Variants in FUT9 observed in about 807,000 individuals in gnomAD.
FUT9 encodes 4-galactosyl-N-acetylglucosaminide 3-alpha-L-fucosyltransferase 9.
In FUT9, 15 loss-of-function variants were observed where a neutral mutation model predicts 29.7. The ratio of observed to expected loss-of-function variants is 0.51; its 90% CI spans 0.34 to 0.78. The LOEUF (loss-of-function observed/expected upper bound fraction) is 0.78. Among genes scored for constraint, FUT9 ranks in the 30% least tolerant of loss-of-function variants. The pLI, the probability that FUT9 is intolerant of heterozygous loss-of-function variation, is 0.01. For missense variants in FUT9, 319 were observed against 425.4 expected (o/e 0.75, Z 2.20); for synonymous variants, 169 against 153.7 (o/e 1.10, Z -0.74).
At chr6:96,191,777 A>AACTATAGCCCGATATCCCTG (rs1218421708) in intron 2 of FUT9, among the ~76,000 whole-genome samples, 1 of 149,994 alleles carries the variant, frequency 6.7e-6, no homozygotes. Context: ...CACAACAGAA[A>AACTATAGCCCGATATCCCTG]AAGAACATCG....
At chr6:96,046,867 G>A (rs1391545707) in intron 1 of FUT9, among the ~76,000 whole-genome samples, 1 of 152,134 alleles carries the variant, frequency 6.6e-6, no homozygotes, top group Non-Finnish European at 1.5e-5. Flanking sequence ...TTCCTCTAAA[G>A]GAATGCTACA....
rs1477063549 is a variant in FUT9 at position 96,212,962 on chromosome 6, T to C, written c.*8727T>C. The C allele has an allele frequency of 3.0e-5, 5 of 167,078 alleles. No individual in the cohort carries two copies. In the Admixed American group the frequency reaches 3.3e-4, roughly 11 times the overall value. 10.3% of individuals were successfully genotyped at this position (167,078 alleles called of 1,614,324 possible). ...ATTTCTGAGCCATAGATTTTTAATC[T>C]GTAAAAGGAGTGTGATGGACTGTAC... is the stretch of plus-strand genomic sequence containing the variant. On this transcript the variant is annotated 3_prime_UTR_variant, in exon 3 of 3. Transcript: ENST00000302103.
chr6:96,088,143 G>A (rs1451642367), intron 1 of FUT9, among the ~76,000 whole-genome samples: 3 of 151,908 alleles, frequency 2.0e-5, no homozygotes, highest in African/African-American at 7.3e-5. Context: ...TAATGTAAAT[G>A]ACAAGTTGAT....
At chr6:96,201,135 A>G (rs1773719715) in intron 2 of FUT9, among the ~76,000 whole-genome samples, 1 of 151,914 alleles carries the variant, frequency 6.6e-6, no homozygotes, top group Non-Finnish European at 1.5e-5. Context: ...TCATAGGAAA[A>G]CCATTTAGAC....
chr6:96,135,023 G>A (rs373840814), intron 2 of FUT9, among the ~76,000 whole-genome samples: 3 of 68,690 alleles, frequency 4.4e-5, no homozygotes, highest in Non-Finnish European at 1.4e-4. Flanking sequence ...TTTCAAAAAG[G>A]TGCAGGTTGC....
Position 96,190,473 on chromosome 6 carries a change from G to A in FUT9, c.-8-12675G>A, listed in dbSNP as rs189895058. Among the ~76,000 whole-genome samples, 857 of 152,264 alleles carry A rather than the reference G, an allele frequency of 5.6e-3. 6 individuals are homozygous for A. Among genetic ancestry groups the A allele is most frequent in the African/African-American group, 0.02 (825 of 41,552 alleles). ...TGGCCTGCCTTGCTAGGTTGGGGAA[G>A]TTCTCCTGGATAATACCCTGCAGAT... On this transcript the variant is annotated intron_variant, in intron 2 of 2. Coordinates refer to ENST00000302103, the MANE Select transcript of FUT9 (RefSeq NM_006581.4).
intron 2 of FUT9, among the ~76,000 whole-genome samples, chr6:96,157,442 T>G (rs1380756192): frequency 6.6e-6 from 1 of 152,192 alleles, no homozygotes; most frequent in African/African-American, 2.4e-5. Context: ...GAATGCCTAA[T>G]AAAATGAGTT....
At chr6:96,160,239 T>G (rs983825256) in intron 2 of FUT9, among the ~76,000 whole-genome samples, 1 of 152,114 alleles carries the variant, frequency 6.6e-6, no homozygotes, top group Non-Finnish European at 1.5e-5. Context: ...CCAATGATGG[T>G]ATTGTGGCTC....
chr6:96,068,128 G>C (rs1272883285), intron 1 of FUT9, among the ~76,000 whole-genome samples: 2 of 152,084 alleles, frequency 1.3e-5, no homozygotes, highest in Non-Finnish European at 2.9e-5. Flanking sequence ...TAGTCATCCA[G>C]ATAGAAGTGA....
intron 2 of FUT9, among the ~76,000 whole-genome samples, chr6:96,124,280 T>A (rs1322526628): frequency 6.6e-6 from 1 of 151,344 alleles, no homozygotes; most frequent in Non-Finnish European, 1.5e-5. Context: ...GTCTCCTGAG[T>A]AGCTGGAACT....
intron 2 of FUT9, among the ~76,000 whole-genome samples, chr6:96,150,542 G>T (rs1055765676): frequency 6.6e-6 from 1 of 152,158 alleles, no homozygotes; most frequent in Admixed American, 6.6e-5. Context: ...GTTTTAAGAA[G>T]GAGAATGACA....
rs1278482672 is a variant in FUT9, at chr6:96,209,894, C to G, written c.*5659C>G. 6.0e-6 allele frequency: 1 copy of G among 166,480 alleles called. No homozygotes were observed. Among genetic ancestry groups the G allele is most frequent in the Non-Finnish European group, 1.5e-5 (1 of 68,008 alleles). The allele number at this position is 166,480 out of a possible 1,614,324, so 10.3% of individuals were successfully genotyped here. ...CAAATAATCCATGCCCCCCCGTCAC[C>G]CAAAAAAAGAGCATGCTTTTAATAC... On this transcript the variant is annotated 3_prime_UTR_variant, in exon 3 of 3. Transcript: ENST00000302103.
chr6:96,175,893 G>A (rs564182365), intron 2 of FUT9, among the ~76,000 whole-genome samples: 3 of 152,318 alleles, frequency 2.0e-5, no homozygotes, highest in South Asian at 4.1e-4. Flanking sequence ...GAAGAGACTG[G>A]CTTTTCATCA....
chr6:96,017,631 A>G (rs1451278853), intron 1 of FUT9, among the ~76,000 whole-genome samples: 14 of 152,186 alleles, frequency 9.2e-5, no homozygotes, highest in Non-Finnish European at 4.4e-5. Flanking sequence ...ACTCCATGGA[A>G]CCCTTGGTCA....
chr6:96,054,556 C>T (rs1770729160), intron 1 of FUT9, among the ~76,000 whole-genome samples: 1 of 152,130 alleles, frequency 6.6e-6, no homozygotes, highest in Admixed American at 6.6e-5. Flanking sequence ...GGGAAACACA[C>T]ATGACCATTA....
intron 1 of FUT9, among the ~76,000 whole-genome samples, chr6:96,021,504 G>T (rs956368875): frequency 7.2e-5 from 11 of 151,986 alleles, no homozygotes; most frequent in African/African-American, 2.4e-4. Flanking sequence ...AGCGGAGGAT[G>T]CAGGGAAGGA....
intron 2 of FUT9, among the ~76,000 whole-genome samples, chr6:96,131,931 T>C (rs528205043): frequency 6.6e-6 from 1 of 152,214 alleles, no homozygotes; most frequent in African/African-American, 2.4e-5. Flanking sequence ...ATTTTTCCTA[T>C]CATCACAGTT....
chr6:96,086,705 G>A (rs1771322081), intron 1 of FUT9, among the ~76,000 whole-genome samples: 1 of 151,938 alleles, frequency 6.6e-6, no homozygotes, highest in African/African-American at 2.4e-5. Context: ...CAAAAATCTG[G>A]CTTTGACCAC....
intron 1 of FUT9, among the ~76,000 whole-genome samples, chr6:96,070,651 C>T (rs1658074139): frequency 6.6e-6 from 1 of 152,026 alleles, no homozygotes; most frequent in Non-Finnish European, 1.5e-5. Flanking sequence ...TGTGCCACTG[C>T]ACTCCAGCCT....
Sources: gnomAD v4.1 joint callset for allele counts (sites outside exome capture counted in the v4.1 genomes callset) on GRCh38, gnomAD v4.1.1 for gene constraint, MANE v1.5 for transcripts, NCBI Gene and HGNC (gene_info 2026-07-23, HGNC 2026-07-21) for gene names.